PIGN: variants seen among roughly 807,000 people sequenced by gnomAD.
PIGN encodes phosphatidylinositol glycan anchor biosynthesis class N.
Under a neutral mutation model 125.4 loss-of-function variants are expected in PIGN, and 117 were observed. The ratio of observed to expected loss-of-function variants is 0.93; its 90% CI spans 0.80 to 1.09. The LOEUF is 1.09. PIGN is among the 50% of genes least tolerant of loss of function. The probability of loss-of-function intolerance (pLI) is 0.00; values close to 1 mark genes in which losing one functional copy is unlikely to be tolerated. For missense variants in PIGN, 1,075 were observed against 1,094.9 expected, an observed-to-expected ratio of 0.98 and a Z score of 0.26; for synonymous variants, 392 against 377.8, an observed-to-expected ratio of 1.04 and a Z score of -0.44.
chr18:62,113,051 G>A, intron 16 of PIGN, 83 bp downstream of exon 16: 15 of 998,466 alleles, frequency 1.5e-5, no homozygotes, highest in Non-Finnish European at 1.8e-5. Context: ...ACAATGACTT[G>A]CACATCCTAT....
chr18:62,157,055 C>T, intron 6 of PIGN, 74 bp downstream of exon 6: 1 of 601,326 alleles, frequency 1.7e-6, no homozygotes, highest in Non-Finnish European at 2.8e-6. Flanking sequence ...ACATTACATA[C>T]ATAAAAATAG....
chr18:62,099,294 T>C (rs528955306), intron 22 of PIGN, among the ~76,000 whole-genome samples: 1 of 152,226 alleles, frequency 6.6e-6, no homozygotes, highest in African/African-American at 2.4e-5. Flanking sequence ...CAAAGTATAC[T>C]TTAGACCAAA....
rs1199712047 is a variant in PIGN, at chr18:62,095,969, G to A, written c.2078-19C>T. 2 of 1,499,792 alleles carry A rather than the reference G, an allele frequency of 1.3e-6. No homozygotes were observed. Among genetic ancestry groups the A allele is most frequent in the East Asian group, 2.3e-5 (1 of 44,238 alleles). The allele number at this position is 1,499,792 out of a possible 1,614,324, so 92.9% of individuals were successfully genotyped here. A position where few individuals can be genotyped will look rare whatever the true frequency, so the allele number is the denominator to read the frequency against. On this transcript the variant is annotated intron_variant, in intron 22 of 30. Coordinates refer to ENST00000640252, the MANE Select transcript of PIGN (RefSeq NM_176787.5). ...GAAGAGGCTGCAATGAAACAGAACA[G>A]GTCATCTGTCAGTATAAGAGACACA...
intron 23 of PIGN, among the ~76,000 whole-genome samples, chr18:62,024,902 C>T (rs975406150): frequency 6.6e-6 from 1 of 152,296 alleles, no homozygotes; most frequent in Admixed American, 6.5e-5. Flanking sequence ...TTGGAAATGT[C>T]ACCATGAATA....
chr18:62,089,754 C>T (rs186885402), intron 24 of PIGN, among the ~76,000 whole-genome samples: 2 of 152,200 alleles, frequency 1.3e-5, no homozygotes, highest in Admixed American at 1.3e-4. Context: ...TCAACTGGAG[C>T]CATATAACGA....
At chr18:62,022,209 T>A (rs1352319961) in intron 23 of PIGN, among the ~76,000 whole-genome samples, 1 of 152,154 alleles carries the variant, frequency 6.6e-6, no homozygotes, top group East Asian at 1.9e-4. Flanking sequence ...TCATATACAG[T>A]CTTTACACTA....
At chr18:62,051,258 G>A (rs375866817) in intron 30 of PIGN, among the ~76,000 whole-genome samples, 2 of 152,086 alleles carry the variant, frequency 1.3e-5, no homozygotes, top group Non-Finnish European at 2.9e-5. Flanking sequence ...ATTGATTAGA[G>A]TAGTTTCAGA....
chr18:62,091,156 G>A (rs1206873986), intron 23 of PIGN, among the ~76,000 whole-genome samples: 1 of 152,118 alleles, frequency 6.6e-6, no homozygotes, highest in Non-Finnish European at 1.5e-5. Context: ...AGACCAGTCT[G>A]GCCAGCATAG....
At chr18:62,120,464 G>A (rs920787803) in intron 14 of PIGN, among the ~76,000 whole-genome samples, 3 of 152,128 alleles carry the variant, frequency 2.0e-5, no homozygotes, top group African/African-American at 7.2e-5. Context: ...ATACAGAAAT[G>A]TGGAAAGGAA....
intron 11 of PIGN, among the ~76,000 whole-genome samples, chr18:62,140,759 T>C (rs1427111183): frequency 6.6e-6 from 1 of 152,180 alleles, no homozygotes; most frequent in Admixed American, 6.5e-5. Context: ...AATTTGACCA[T>C]TTTATGTAAC....
chr18:62,147,943 T>A (rs2036395243), intron 8 of PIGN, among the ~76,000 whole-genome samples: 1 of 152,116 alleles, frequency 6.6e-6, no homozygotes, highest in Non-Finnish European at 1.5e-5. Flanking sequence ...TATAGATATT[T>A]TAGATAATTT....
intron 23 of PIGN, among the ~76,000 whole-genome samples, chr18:62,029,822 T>C (rs2030169719): frequency 6.6e-6 from 1 of 152,214 alleles, no homozygotes; most frequent in Non-Finnish European, 1.5e-5. Context: ...ATTCATTGCA[T>C]TGGGTCAAAC....
chr18:62,055,824 C>T (rs896559854), intron 30 of PIGN, among the ~76,000 whole-genome samples: 1 of 151,660 alleles, frequency 6.6e-6, no homozygotes, highest in Non-Finnish European at 1.5e-5. Flanking sequence ...TCTACCCTGG[C>T]CTGTGAGCTC....
chr18:62,077,286 G>A (rs368070173), intron 28 of PIGN, among the ~76,000 whole-genome samples: 21 of 152,232 alleles, frequency 1.4e-4, no homozygotes, highest in South Asian at 6.2e-4. Flanking sequence ...GCTGAGGCAC[G>A]AGAATCGATT....
At chr18:62,063,099 A>G (rs1173355558) in intron 30 of PIGN, among the ~76,000 whole-genome samples, 1 of 151,652 alleles carries the variant, frequency 6.6e-6, no homozygotes, top group Non-Finnish European at 1.5e-5. Context: ...GAAAACAAAA[A>G]TAACAAAAAT....
chr18:62,168,769 T>A (rs1217167339), intron 1 of PIGN, among the ~76,000 whole-genome samples: 1 of 152,008 alleles, frequency 6.6e-6, no homozygotes, highest in Non-Finnish European at 1.5e-5. Context: ...ATAATCACAG[T>A]CATAATGAAC....
rs190728945 is a variant in PIGN at position 62,043,687 on chromosome 18, C to T, written c.*2169G>A. The stretch of plus-strand genomic sequence containing the variant: ...AACATATTGGAAAATGACAGACAAG[C>T]TGCAGCGGTTTCCTAAAGCCTTAGG... On this transcript the variant is annotated 3_prime_UTR_variant, in exon 31 of 31. Transcript: ENST00000640252. 1.3e-5 allele frequency: 2 copies of T among 152,250 alleles called. No individual in the cohort carries two copies. Among genetic ancestry groups the T allele is most frequent in the East Asian group, 3.9e-4 (2 of 5,184 alleles). 9.4% of individuals were successfully genotyped at this position (152,250 alleles called of 1,614,324 possible).
At chr18:62,101,430 C>A (rs980570272) in intron 21 of PIGN, among the ~76,000 whole-genome samples, 3 of 152,142 alleles carry the variant, frequency 2.0e-5, no homozygotes, top group Non-Finnish European at 4.4e-5. Context: ...AGAATGTTAG[C>A]ATGATATTCT....
At chr18:62,054,379 A>G (rs1197457904) in intron 30 of PIGN, among the ~76,000 whole-genome samples, 4 of 152,012 alleles carry the variant, frequency 2.6e-5, no homozygotes, top group African/African-American at 7.2e-5. Flanking sequence ...AAAAAAAACA[A>G]AAAACTTTTG....
Sources: gnomAD v4.1 joint callset for allele counts (sites outside exome capture counted in the v4.1 genomes callset) on GRCh38, gnomAD v4.1.1 for gene constraint, MANE v1.5 for transcripts, NCBI Gene and HGNC (gene_info 2026-07-23, HGNC 2026-07-21) for gene names.